Variants in NINJ2 observed in about 807,000 individuals in gnomAD.
NINJ2 encodes ninjurin-2.
Under a neutral mutation model 11.7 loss-of-function variants are expected in NINJ2, and 12 were observed. That is an observed-to-expected ratio of 1.02 (90% CI 0.66 to 1.66). The LOEUF (loss-of-function observed/expected upper bound fraction) is 1.66, where lower values mean the gene tolerates loss of function less well. NINJ2 is among the 40% of genes most tolerant of loss of function. NINJ2 has a pLI of 0.00. For missense variants in NINJ2, 187 were observed against 181.8 expected, an observed-to-expected ratio of 1.03 and a Z score of -0.16; for synonymous variants, 93 against 76.8, an observed-to-expected ratio of 1.21 and a Z score of -1.10.
chr12:609,664 A>G (rs1371088338), intron 1 of NINJ2, among the ~76,000 whole-genome samples: 4 of 151,428 alleles, frequency 2.6e-5, no homozygotes, highest in Non-Finnish European at 5.9e-5. Flanking sequence ...CCAGCTACTC[A>G]GGAGGGTGAG....
At chr12:571,795 A>C (rs1592069133) in intron 1 of NINJ2, among the ~76,000 whole-genome samples, 1 of 152,258 alleles carries the variant, frequency 6.6e-6, no homozygotes, top group Non-Finnish European at 1.5e-5. Flanking sequence ...GGGGACCATA[A>C]GCTCCAACAG....
intron 1 of NINJ2, among the ~76,000 whole-genome samples, chr12:567,485 G>C (rs757826059): frequency 6.6e-6 from 1 of 152,090 alleles, no homozygotes; most frequent in Non-Finnish European, 1.5e-5. Flanking sequence ...ATGGATGAAG[G>C]GATGGATGGA....
chr12:600,653 G>GGT (rs58255968), intron 1 of NINJ2, among the ~76,000 whole-genome samples: 10,137 of 141,792 alleles, frequency 0.071, 335 homozygotes, highest in Admixed American at 0.086. Context: ...ATTTTTTTGG[G>GGT]GTGTGTGTGT....
intron 1 of NINJ2, among the ~76,000 whole-genome samples, chr12:598,273 C>A (rs913529067): frequency 6.6e-6 from 1 of 152,234 alleles, no homozygotes; most frequent in Admixed American, 6.5e-5. Flanking sequence ...TGACCTCCCC[C>A]TGGGCACCGA....
At chr12:655,966 T>C (rs929799362) in intron 1 of NINJ2, among the ~76,000 whole-genome samples, 1 of 152,026 alleles carries the variant, frequency 6.6e-6, no homozygotes, top group Admixed American at 6.6e-5. Context: ...GATAGATAGA[T>C]ATTCCATGTT....
At chr12:643,962 G>C (rs1937633666) in intron 1 of NINJ2, 1 of 154,788 alleles carries the variant, frequency 6.5e-6, no homozygotes, top group Non-Finnish European at 1.5e-5. Flanking sequence ...TCTGCAGATG[G>C]AGTGAAGGTA....
intron 1 of NINJ2, among the ~76,000 whole-genome samples, chr12:637,178 G>A (rs1490982050): frequency 2.0e-5 from 3 of 149,378 alleles, no homozygotes; most frequent in Admixed American, 6.7e-5. Context: ...GTAAAACCCC[G>A]TCTCTACTAA....
At chr12:595,630 G>A (rs1054522950) in intron 1 of NINJ2, among the ~76,000 whole-genome samples, 1 of 152,194 alleles carries the variant, frequency 6.6e-6, no homozygotes, top group Non-Finnish European at 1.5e-5. Flanking sequence ...GTGCATGCCT[G>A]TAATCCCAGT....
chr12:573,343 C>T lies in NINJ2; in HGVS notation c.34-7165G>A, dbSNP rs2120804342. Among the ~76,000 whole-genome samples, 4 of 152,200 alleles carry T rather than the reference C, an allele frequency of 2.6e-5. 1 individual carries two copies. The South Asian group carries it at 8.3e-4, about 32-fold the overall frequency. On this transcript the variant is annotated intron_variant, in intron 1 of 3. Coordinates refer to ENST00000305108, the MANE Select transcript of NINJ2 (RefSeq NM_016533.6). Reference sequence around the variant, plus strand: ...CACCAGGCCCAGAGCCTGTAATTTTCACCCTTACTCTACTGTGCCCAAGAA... The same window carrying T: ...CACCAGGCCCAGAGCCTGTAATTTTTACCCTTACTCTACTGTGCCCAAGAA...
chr12:585,728 C>T lies in NINJ2; in HGVS notation c.34-19550G>A, dbSNP rs1947628630. On this transcript the variant is annotated intron_variant, in intron 1 of 3. Coordinates refer to ENST00000305108, the MANE Select transcript of NINJ2 (RefSeq NM_016533.6). The surrounding 1 kb of genome is among the most constrained non-coding windows in gnomAD (Gnocchi z 4.1). ...AGCCAATCAGCAAATATTTATTGAG[C>T]ATCTGTCTATTTGGGGCAAGTCAGA... is the stretch of plus-strand genomic sequence containing the variant. The T allele has an allele frequency of 1.3e-5, 2 of 152,254 alleles. No individual in the cohort carries two copies. Among genetic ancestry groups the T allele is most frequent in the Non-Finnish European group, 1.5e-5 (1 of 68,082 alleles). 9.4% of individuals were successfully genotyped at this position (152,254 alleles called of 1,614,324 possible).
At position 565,996 on chromosome 12, in the gene NINJ2, G is replaced by C. The variant is rs1269656769; in HGVS notation, c.216C>G (p.Leu72=). 6.2e-7 allele frequency: 1 copy of C among 1,614,256 alleles called. No homozygotes were observed. The highest frequency in any genetic ancestry group is 1.1e-5 in the South Asian group (1 of 91,086). The change falls in exon 2 of 4, where the codon CTC becomes CTG. Residue 72 remains leucine, a synonymous_variant. Transcript: ENST00000305108. The part of the protein sequence containing the change: ...YYTTLVTLIS[L]SLLLQVVIGV... ...CGATGACCACCTGCAGGAGCAGAGAGAGGCTGATGAGGGTGACCAGGGTGG... is the reference window on the plus strand; with the variant it reads ...CGATGACCACCTGCAGGAGCAGAGACAGGCTGATGAGGGTGACCAGGGTGG...
chr12:577,362 C>A (rs1312510570), intron 1 of NINJ2, among the ~76,000 whole-genome samples: 2 of 138,586 alleles, frequency 1.4e-5, no homozygotes, highest in Non-Finnish European at 3.2e-5. Context: ...TTTCAACTTA[C>A]TATGGGTTTA....
chr12:633,336 A>G lies in NINJ2; in HGVS notation c.33+29992T>C, dbSNP rs1289762163. Among the ~76,000 whole-genome samples, 2 of 152,104 alleles carry G rather than the reference A, an allele frequency of 1.3e-5. No homozygotes were observed. The highest frequency in any genetic ancestry group is 2.9e-5 in the Non-Finnish European group (2 of 68,000). ...AACATGGTGAAACCCTGTCTCTACTAAAAATACAAAAATTAGCCAGACATG... is the reference window on the plus strand; with the variant it reads ...AACATGGTGAAACCCTGTCTCTACTGAAAATACAAAAATTAGCCAGACATG... On this transcript the variant is annotated intron_variant, in intron 1 of 3. Transcript: ENST00000305108. This position sits in a 1 kb window ranked among gnomAD's most constrained non-coding sequence, Gnocchi z 4.3.
chr12:568,019 A>T (rs1947325917), intron 1 of NINJ2, among the ~76,000 whole-genome samples: 1 of 152,196 alleles, frequency 6.6e-6, no homozygotes, highest in South Asian at 2.1e-4. Flanking sequence ...AAACAAAAAC[A>T]AAAACAAAAC....
At chr12:592,440 C>T (rs1947729044) in intron 1 of NINJ2, among the ~76,000 whole-genome samples, 1 of 152,238 alleles carries the variant, frequency 6.6e-6, no homozygotes, top group South Asian at 2.1e-4. Flanking sequence ...GTGGCTCACT[C>T]CTGTAATCCC....
intron 1 of NINJ2, chr12:643,877 AGC>A (rs1017107246): frequency 1.2e-5 from 2 of 160,760 alleles, no homozygotes; most frequent in African/African-American, 4.8e-5. Context: ...CGGGTGCTCC[AGC>A]GCCTCTGCTT....
At chr12:587,936 A>G (rs1161268949) in intron 1 of NINJ2, among the ~76,000 whole-genome samples, 11 of 152,216 alleles carry the variant, frequency 7.2e-5, no homozygotes, top group Admixed American at 7.2e-4. Flanking sequence ...GAGCCGTAGT[A>G]TGAGGCTGGC....
chr12:583,310 C>T (rs537720706), intron 1 of NINJ2, among the ~76,000 whole-genome samples: 1 of 152,380 alleles, frequency 6.6e-6, no homozygotes, highest in East Asian at 1.9e-4. Flanking sequence ...GCCCTTTCCA[C>T]AGCTCAGGGC....
intron 1 of NINJ2, among the ~76,000 whole-genome samples, chr12:600,056 T>G (rs768929302): frequency 6.6e-6 from 1 of 152,162 alleles, no homozygotes; most frequent in Non-Finnish European, 1.5e-5. Flanking sequence ...AGATTCACAT[T>G]TACTCCTTTA....
Sources: allele counts gnomAD v4.1 joint callset (sites outside exome capture counted in the v4.1 genomes callset), GRCh38; gene constraint gnomAD v4.1.1; non-coding constraint Gnocchi (gnomAD v3.1); transcripts MANE v1.5; gene names NCBI Gene and HGNC (gene_info 2026-07-23, HGNC 2026-07-21).